Variants in ACTL8 observed in about 807,000 individuals in gnomAD.
ACTL8 encodes actin-like protein 8.
A neutral mutation model predicts 9.3 loss-of-function variants in ACTL8; 3 were observed. That is an observed-to-expected ratio of 0.32 (90% CI 0.15 to 0.83). The LOEUF (loss-of-function observed/expected upper bound fraction) is 0.83. ACTL8 is among the 40% of genes least tolerant of loss of function. ACTL8 has a pLI of 0.57. For synonymous variants in ACTL8, 224 were observed against 205.9 expected, an observed-to-expected ratio of 1.09 and a Z score of -0.75; for missense variants, 381 against 492.2, an observed-to-expected ratio of 0.77 and a Z score of 2.14.
intron 1 of ACTL8, among the ~76,000 whole-genome samples, chr1:17,763,067 C>T (rs1020692610): frequency 2.0e-5 from 3 of 152,096 alleles, no homozygotes; most frequent in African/African-American, 7.2e-5. Flanking sequence ...GACCTTTGGG[C>T]CAGAGTAGCC....
chr1:17,802,713 C>T (rs1013798695), intron 1 of ACTL8, among the ~76,000 whole-genome samples: 3 of 152,020 alleles, frequency 2.0e-5, no homozygotes, highest in Non-Finnish European at 4.4e-5. Context: ...CTGGGCATGG[C>T]GGCTCATACC....
chr1:17,773,058 C>T (rs966508855), intron 1 of ACTL8, among the ~76,000 whole-genome samples: 6 of 152,194 alleles, frequency 3.9e-5, no homozygotes, highest in East Asian at 1.9e-4. Flanking sequence ...TTATTGTCCT[C>T]GCTGCGTCGG....
chr1:17,769,307 T>C (rs2066067499), intron 1 of ACTL8, among the ~76,000 whole-genome samples: 1 of 152,100 alleles, frequency 6.6e-6, no homozygotes, highest in Non-Finnish European at 1.5e-5. Context: ...CTGGGGAGAC[T>C]TTCTCCTTGT....
chr1:17,762,867 A>C (rs914458785), intron 1 of ACTL8, among the ~76,000 whole-genome samples: 13 of 151,198 alleles, frequency 8.6e-5, no homozygotes, highest in South Asian at 2.1e-4. Flanking sequence ...CCTCCCGGGG[A>C]CTCAGTTTTC....
chr1:17,817,092 C>G (rs1287900353), intron 1 of ACTL8, among the ~76,000 whole-genome samples: 1 of 150,148 alleles, frequency 6.7e-6, no homozygotes, highest in Non-Finnish European at 1.5e-5. Context: ...TTCATTTTGT[C>G]TAGAATTTTT....
chr1:17,790,901 G>A lies in ACTL8; in HGVS notation c.-24-32084G>A, dbSNP rs182856631. Among the ~76,000 whole-genome samples, 7 of 152,332 alleles carry A rather than the reference G, an allele frequency of 4.6e-5. No individual in the cohort carries two copies. In the East Asian group the frequency reaches 5.8e-4, roughly 13 times the overall value. ...CTGGTGTGTCAGCACTTTCCTGACC[G>A]TGTGCACATCTGGCTGGGCTGTGAC... On this transcript the variant is annotated intron_variant, in intron 1 of 2. Transcript: ENST00000375406.
chr1:17,813,952 A>G (rs190314552), intron 1 of ACTL8, among the ~76,000 whole-genome samples: 127 of 152,316 alleles, frequency 8.3e-4, no homozygotes, highest in African/African-American at 3.0e-3. Context: ...TAGAGTCTGA[A>G]GTGATGCCAC....
intron 1 of ACTL8, among the ~76,000 whole-genome samples, chr1:17,786,449 A>ATG (rs1164070578): frequency 1.3e-5 from 2 of 152,214 alleles, no homozygotes; most frequent in East Asian, 3.9e-4. Flanking sequence ...TGACCATCAG[A>ATG]TGTCTGTTTG....
At chr1:17,757,860 G>A (rs2065978189) in intron 1 of ACTL8, among the ~76,000 whole-genome samples, 1 of 152,204 alleles carries the variant, frequency 6.6e-6, no homozygotes, top group Non-Finnish European at 1.5e-5. Context: ...AGCTGGAGGT[G>A]GCTCTAACAG....
At chr1:17,766,498 A>C (rs576300625) in intron 1 of ACTL8, among the ~76,000 whole-genome samples, 1 of 152,168 alleles carries the variant, frequency 6.6e-6, no homozygotes, top group African/African-American at 2.4e-5. Flanking sequence ...TTCTACCACT[A>C]TCTAAAGTTG....
chr1:17,777,857 C>T (rs1281011655), intron 1 of ACTL8, among the ~76,000 whole-genome samples: 1 of 152,060 alleles, frequency 6.6e-6, no homozygotes, highest in African/African-American at 2.4e-5. Context: ...ACCACCATGC[C>T]CGGCTAATTT....
chr1:17,787,935 G>T (rs1026303800), intron 1 of ACTL8, among the ~76,000 whole-genome samples: 3 of 152,192 alleles, frequency 2.0e-5, no homozygotes, highest in Non-Finnish European at 4.4e-5. Flanking sequence ...TGTTAGTTTT[G>T]TGGGGGCTGA....
At chr1:17,803,208 C>CT (rs1432541245) in intron 1 of ACTL8, among the ~76,000 whole-genome samples, 1 of 151,414 alleles carries the variant, frequency 6.6e-6, no homozygotes, top group African/African-American at 2.4e-5. Context: ...CCCGCCCCCC[C>CT]TTTTGCTCGG....
At position 17,823,857 on chromosome 1, in the gene ACTL8, A is replaced by T. The variant is rs1016404878; in HGVS notation, c.348+501A>T. Among the ~76,000 whole-genome samples the T allele has an allele frequency of 2.0e-5, 3 of 152,192 alleles. No homozygotes were observed. Among genetic ancestry groups the T allele is most frequent in the African/African-American group, 7.2e-5 (3 of 41,434 alleles). On this transcript the variant is annotated intron_variant, in intron 2 of 2. Coordinates refer to ENST00000375406, the MANE Select transcript of ACTL8 (RefSeq NM_030812.3). The surrounding 1 kb of genome is among the most constrained non-coding windows in gnomAD (Gnocchi z 5.3). Reference sequence around the variant, plus strand: ...TCACGGAGGCCCCACCTGCAGACGGACATGCAGCAACCAACGTGCTTGGTG... The same window carrying T: ...TCACGGAGGCCCCACCTGCAGACGGTCATGCAGCAACCAACGTGCTTGGTG...
rs2053728933 is a variant in ACTL8 at position 17,826,969 on chromosome 1, A to AG, written c.*453dup. 1 of 153,500 alleles carries AG rather than the reference A, an allele frequency of 6.5e-6. No homozygotes were observed. Among genetic ancestry groups the AG allele is most frequent in the African/African-American group, 2.4e-5 (1 of 41,484 alleles). 9.5% of individuals were successfully genotyped at this position (153,500 alleles called of 1,614,324 possible). ...CTGGTCCTACAGGCCCTTTCTGGCC[A>AG]GGGAGGCATTGCTGCAGGTGAGCCT... On this transcript the variant is annotated 3_prime_UTR_variant, in exon 3 of 3. Coordinates refer to ENST00000375406, the MANE Select transcript of ACTL8 (RefSeq NM_030812.3). This position sits in a 1 kb window ranked among gnomAD's most constrained non-coding sequence, Gnocchi z 4.5.
chr1:17,819,020 A>G (rs1488812621), intron 1 of ACTL8, among the ~76,000 whole-genome samples: 4 of 152,216 alleles, frequency 2.6e-5, no homozygotes, highest in Non-Finnish European at 5.9e-5. Context: ...TTTCTTTTAC[A>G]GTCATGTGCC....
At chr1:17,769,749 C>T (rs1022322783) in intron 1 of ACTL8, among the ~76,000 whole-genome samples, 3 of 152,194 alleles carry the variant, frequency 2.0e-5, no homozygotes, top group Non-Finnish European at 4.4e-5. Context: ...AACCCCAGCT[C>T]GGGGCCAACC....
intron 1 of ACTL8, among the ~76,000 whole-genome samples, chr1:17,765,347 A>G (rs564967939): frequency 2.6e-5 from 4 of 152,294 alleles, no homozygotes; most frequent in African/African-American, 9.6e-5. Flanking sequence ...AGTGCCTGGC[A>G]TGGAGGCCGC....
chr1:17,819,734 AT>A (rs201813102), intron 1 of ACTL8, among the ~76,000 whole-genome samples: 1 of 151,826 alleles, frequency 6.6e-6, no homozygotes, highest in Admixed American at 6.6e-5. Flanking sequence ...TTCCCTTAAA[AT>A]TTTTTTTTAC....
Sources: allele counts gnomAD v4.1 joint callset (sites outside exome capture counted in the v4.1 genomes callset), GRCh38; gene constraint gnomAD v4.1.1; non-coding constraint Gnocchi (gnomAD v3.1); transcripts MANE v1.5; gene names NCBI Gene and HGNC (gene_info 2026-07-23, HGNC 2026-07-21).